The following BTBD16 variants were observed in gnomAD, a reference collection of about 807,000 sequenced individuals.
BTBD16 encodes the protein BTB domain containing 16.
BTBD16 carries 66 observed loss-of-function variants against 67.4 expected under a neutral mutation model. The observed-to-expected ratio is 0.98, with a 90% confidence interval of 0.80 to 1.20. The LOEUF (loss-of-function observed/expected upper bound fraction) is 1.20. BTBD16 is among the 50% of genes most tolerant of loss of function. BTBD16 has a pLI of 0.00. For synonymous variants in BTBD16, 242 were observed against 236.4 expected (o/e 1.02, Z -0.22); for missense variants, 634 against 616.0 (o/e 1.03, Z -0.31).
intron 7 of BTBD16, among the ~76,000 whole-genome samples, chr10:122,296,559 G>A (rs2096383615): frequency 6.6e-6 from 1 of 152,182 alleles, no homozygotes; most frequent in African/African-American, 2.4e-5. Context: ...CCTGCTCAAT[G>A]AAGTGAACAT....
At chr10:122,285,261 TC>T (rs1023585343) in intron 4 of BTBD16, among the ~76,000 whole-genome samples, 31 of 152,132 alleles carry the variant, frequency 2.0e-4, no homozygotes, top group African/African-American at 7.5e-4. Flanking sequence ...CAGAGTCCTC[TC>T]CCCATGGCCT....
intron 10 of BTBD16, among the ~76,000 whole-genome samples, chr10:122,315,819 C>A (rs2096423136): frequency 6.6e-6 from 1 of 152,028 alleles, no homozygotes; most frequent in African/African-American, 2.4e-5. Flanking sequence ...CTTTTTAGAG[C>A]TTTTTTGAGG....
chr10:122,299,000 T>C lies in BTBD16; in HGVS notation c.661-4T>C, dbSNP rs973344168. On this transcript the variant is annotated splice_polypyrimidine_tract_variant and splice_region_variant and intron_variant, in intron 8 of 15. Coordinates refer to ENST00000260723, the MANE Select transcript of BTBD16 (RefSeq NM_144587.5). ...CTTCATCAACTGGCTTTTTTTTGTCTTAGTACAAGGAAGAGCAGCTCACCA... is the reference window on the plus strand; with the variant it reads ...CTTCATCAACTGGCTTTTTTTTGTCCTAGTACAAGGAAGAGCAGCTCACCA... 5 of 1,613,394 alleles carry C rather than the reference T, an allele frequency of 3.1e-6. No individual in the cohort carries two copies. Among genetic ancestry groups the C allele is most frequent in the East Asian group, 2.2e-5 (1 of 44,876 alleles).
chr10:122,305,678 A>G (rs980111203), intron 9 of BTBD16, among the ~76,000 whole-genome samples: 5 of 152,168 alleles, frequency 3.3e-5, no homozygotes, highest in African/African-American at 1.2e-4. Flanking sequence ...ATTTCTTTGT[A>G]GCAATTCAAC....
chr10:122,311,745 C>A (rs1263876024), intron 10 of BTBD16, among the ~76,000 whole-genome samples: 1 of 152,210 alleles, frequency 6.6e-6, no homozygotes, highest in African/African-American at 2.4e-5. Context: ...AACCAGCACC[C>A]AGACCAGAAC....
intron 10 of BTBD16, among the ~76,000 whole-genome samples, chr10:122,309,554 A>G (rs1351927894): frequency 6.6e-6 from 1 of 151,956 alleles, no homozygotes; most frequent in Non-Finnish European, 1.5e-5. Context: ...CATGTTGGCC[A>G]GAATGGTCTC....
intron 10 of BTBD16, among the ~76,000 whole-genome samples, chr10:122,311,650 T>C (rs1218465245): frequency 1.3e-5 from 2 of 152,170 alleles, no homozygotes; most frequent in Non-Finnish European, 2.9e-5. Flanking sequence ...AAGAACATTT[T>C]AAAATCAAGG....
intron 8 of BTBD16, among the ~76,000 whole-genome samples, 197 bp downstream of exon 8, chr10:122,298,034 T>C (rs962692577): frequency 6.6e-6 from 1 of 152,090 alleles, no homozygotes; most frequent in Non-Finnish European, 1.5e-5. Context: ...AAGGATGTTT[T>C]AACACCAAAA....
chr10:122,326,489 G>T (rs1366466449), intron 10 of BTBD16, among the ~76,000 whole-genome samples: 1 of 152,184 alleles, frequency 6.6e-6, no homozygotes, highest in African/African-American at 2.4e-5. Context: ...TAGCATATAT[G>T]TATGTTAAGG....
chr10:122,275,896 A>C (rs57537604), intron 2 of BTBD16, among the ~76,000 whole-genome samples: 12,672 of 152,288 alleles, frequency 0.083, 757 homozygotes, highest in African/African-American at 0.17. Context: ...TGTTCAAAAA[A>C]AAACTTGCCC....
At chr10:122,326,933 A>C (rs1313604841) in intron 10 of BTBD16, among the ~76,000 whole-genome samples, 1 of 152,232 alleles carries the variant, frequency 6.6e-6, no homozygotes, top group East Asian at 1.9e-4. Context: ...AGTGTAGCCA[A>C]GCACTGTAGT....
chr10:122,310,411 G>A (rs2142098339), intron 10 of BTBD16, among the ~76,000 whole-genome samples: 1 of 152,326 alleles, frequency 6.6e-6, no homozygotes, highest in Middle Eastern at 3.4e-3. Flanking sequence ...TGGCCTAGCA[G>A]GGCTGGTGGC....
chr10:122,291,511 G>A lies in BTBD16; in HGVS notation c.590+317G>A, dbSNP rs1193625934. The A allele has an allele frequency of 8.9e-6, 2 of 225,206 alleles. 1 individual carries two copies. Among genetic ancestry groups the A allele is most frequent in the African/African-American group, 4.5e-5 (2 of 44,168 alleles). The allele number at this position is 225,206 out of a possible 1,614,324, so 14.0% of individuals were successfully genotyped here. On this transcript the variant is annotated intron_variant, in intron 7 of 15. Coordinates refer to ENST00000260723, the MANE Select transcript of BTBD16 (RefSeq NM_144587.5). ...GACTTCCTAGTAGCCCCCAAACCAGGCTTGCTTATCAATTTCACCTCTTCT... is the reference window on the plus strand; with the variant it reads ...GACTTCCTAGTAGCCCCCAAACCAGACTTGCTTATCAATTTCACCTCTTCT...
In BTBD16 at chr10:122,290,010, C is replaced by T; in HGVS notation, c.475+12C>T. On this transcript the variant is annotated intron_variant, in intron 6 of 15. Transcript: ENST00000260723. The stretch of plus-strand genomic sequence containing the variant: ...GGTCACTAAAGTCGGTATGTATATA[C>T]CCGTCTATATTCTGAGAATGCCATT... The T allele has an allele frequency of 6.5e-7, 1 of 1,536,696 alleles. No individual in the cohort carries two copies. The highest frequency in any genetic ancestry group is 1.1e-5 in the South Asian group (1 of 87,862).
At chr10:122,310,927 G>T (rs562418539) in intron 10 of BTBD16, among the ~76,000 whole-genome samples, 2 of 152,142 alleles carry the variant, frequency 1.3e-5, no homozygotes, top group Admixed American at 1.3e-4. Context: ...CCCAGAATCC[G>T]GAAAGGAGGG....
At chr10:122,305,101 A>T (rs1253416220) in intron 9 of BTBD16, among the ~76,000 whole-genome samples, 1 of 152,228 alleles carries the variant, frequency 6.6e-6, no homozygotes, top group Non-Finnish European at 1.5e-5. Flanking sequence ...TGTATGGCAA[A>T]GGAAACTAAG....
At chr10:122,271,623 T>A (rs1430555187) in intron 1 of BTBD16, 109 bp downstream of exon 1, 2 of 152,222 alleles carry the variant, frequency 1.3e-5, no homozygotes, top group African/African-American at 4.8e-5. Flanking sequence ...TGGGTGCCTC[T>A]GGTCTACTTG....
At chr10:122,272,298 T>C (rs1383638992) in intron 1 of BTBD16, among the ~76,000 whole-genome samples, 1 of 152,114 alleles carries the variant, frequency 6.6e-6, no homozygotes, top group Non-Finnish European at 1.5e-5. Flanking sequence ...AGCAGCTGGG[T>C]ACAAACACCA....
In BTBD16 at chr10:122,297,814, A is replaced by T. The variant is rs529156638; in HGVS notation, c.637A>T (p.Lys213Ter). ...IARLKPSTIK[K>*]FYEAGCKYKE... ...CAGACTCAAGCCAAGCACCATCAAG[A>T]AATTCTACGAGGCCGGCTGCAAGGT... Residue 213 changes from lysine to a stop codon, truncating the protein, a stop_gained, in exon 8 of 16, where the codon AAA becomes TAA. Transcript: ENST00000260723. LOFTEE classifies it high-confidence loss of function. The T allele has an allele frequency of 5.9e-5, 96 of 1,614,156 alleles. No individual in the cohort carries two copies. Among genetic ancestry groups the T allele is most frequent in the Non-Finnish European group, 7.8e-5 (92 of 1,180,026 alleles).
Sources: allele counts gnomAD v4.1 joint callset (sites outside exome capture counted in the v4.1 genomes callset), GRCh38; gene constraint gnomAD v4.1.1; transcripts MANE v1.5; gene names NCBI Gene and HGNC (gene_info 2026-07-23, HGNC 2026-07-21).